The following IL1RAPL1 variants were observed in gnomAD, a reference collection of about 807,000 sequenced individuals.
IL1RAPL1 encodes interleukin-1 receptor accessory protein-like 1.
IL1RAPL1 carries 3 observed loss-of-function variants against 48.4 expected under a neutral mutation model. The ratio of observed to expected loss-of-function variants is 0.06; its 90% CI spans 0.03 to 0.16. The LOEUF (loss-of-function observed/expected upper bound fraction) is 0.16, where lower values mean the gene tolerates loss of function less well. Among genes scored for constraint, IL1RAPL1 ranks in the 10% least tolerant of loss-of-function variants. IL1RAPL1 has a pLI of 1.00. For synonymous variants in IL1RAPL1, 185 were observed against 187.7 expected, an observed-to-expected ratio of 0.99 and a Z score of 0.12; for missense variants, 349 against 530.6, an observed-to-expected ratio of 0.66 and a Z score of 3.36.
At position 29,080,994 on chromosome X, in the gene IL1RAPL1, TTCTC is replaced by T. The variant is rs201299964; in HGVS notation, c.83-201920_83-201917del. Among the ~76,000 whole-genome samples the T allele has an allele frequency of 2.3e-3, 60 of 26,419 alleles. 2 individuals carry two copies. The highest frequency in any genetic ancestry group is 3.2e-3 in the African/African-American group (29 of 9,204). The allele number at this position is 26,419 out of a possible 115,157, so 22.9% of individuals were successfully genotyped here. ...TTTCTTTCTTTCTTTCTTTCTTTCT[TTCTC>T]TCTCTCTCTCTCTCTCTCTCTCTTT... is the stretch of plus-strand genomic sequence containing the variant. On this transcript the variant is annotated intron_variant, in intron 2 of 10. Coordinates refer to ENST00000378993, the MANE Select transcript of IL1RAPL1 (RefSeq NM_014271.4).
At chrX:29,071,477 C>A (rs771729084) in intron 2 of IL1RAPL1, among the ~76,000 whole-genome samples, 1 of 111,897 alleles carries the variant, frequency 8.9e-6, no homozygotes, top group East Asian at 2.8e-4. Flanking sequence ...TAAAATAATT[C>A]AAGTATTTAT....
At chrX:29,539,613 G>A (rs978829862) in intron 5 of IL1RAPL1, among the ~76,000 whole-genome samples, 8 of 110,649 alleles carry the variant, frequency 7.2e-5, no homozygotes, top group African/African-American at 2.0e-4. Flanking sequence ...GTTTAGCACC[G>A]TCCCCCCTTA....
chrX:29,216,537 G>A (rs1198566057), intron 2 of IL1RAPL1, among the ~76,000 whole-genome samples: 1 of 111,059 alleles, frequency 9.0e-6, no homozygotes, highest in Non-Finnish European at 1.9e-5. Flanking sequence ...AAACTTTTTT[G>A]ATGTATTGAC....
chrX:28,919,929 G>A (rs969330185), intron 2 of IL1RAPL1, among the ~76,000 whole-genome samples: 1 of 111,893 alleles, frequency 8.9e-6, no homozygotes, highest in Non-Finnish European at 1.9e-5. Context: ...TTATGTATTT[G>A]CATGAATAAT....
chrX:28,987,700 A>G (rs765350786), intron 2 of IL1RAPL1, among the ~76,000 whole-genome samples: 1 of 112,218 alleles, frequency 8.9e-6, no homozygotes, highest in East Asian at 2.8e-4. Flanking sequence ...GGATTAAAAT[A>G]GAGAAGCAGA....
intron 6 of IL1RAPL1, among the ~76,000 whole-genome samples, chrX:29,696,548 G>A (rs1466700320): frequency 8.9e-6 from 1 of 111,765 alleles, no homozygotes; most frequent in Non-Finnish European, 1.9e-5. Flanking sequence ...GGAAATGCAT[G>A]GTGCGAAAAG....
At chrX:29,067,528 A>G (rs1227034128) in intron 2 of IL1RAPL1, among the ~76,000 whole-genome samples, 1 of 112,409 alleles carries the variant, frequency 8.9e-6, no homozygotes, top group African/African-American at 3.2e-5. Context: ...GCCTAGCTAG[A>G]ATTTCAAATG....
chrX:29,845,530 C>T (rs181544569), intron 6 of IL1RAPL1, among the ~76,000 whole-genome samples: 8 of 111,825 alleles, frequency 7.2e-5, no homozygotes, highest in Non-Finnish European at 9.4e-5. Flanking sequence ...ATAATCGTGA[C>T]ACAACTGAAT....
At chrX:29,001,794 G>A (rs1925859170) in intron 2 of IL1RAPL1, among the ~76,000 whole-genome samples, 1 of 110,917 alleles carries the variant, frequency 9.0e-6, no homozygotes, top group Non-Finnish European at 1.9e-5. Flanking sequence ...TTAAAGCAAT[G>A]CATTTAGAAA....
At chrX:29,768,614 C>A in intron 6 of IL1RAPL1, among the ~76,000 whole-genome samples, 1 of 111,924 alleles carries the variant, frequency 8.9e-6, no homozygotes, top group Non-Finnish European at 1.9e-5. Context: ...CTGTGTCTAG[C>A]TACTTTTACT....
chrX:29,882,076 T>G lies in IL1RAPL1; in HGVS notation c.779-35388T>G, dbSNP rs185916850. 8.9e-5 allele frequency among the ~76,000 whole-genome samples: 10 copies of G among 112,170 alleles called. No individual in the cohort carries two copies. In the Admixed American group the frequency reaches 9.5e-4, roughly 11 times the overall value. On this transcript the variant is annotated intron_variant, in intron 6 of 10. Coordinates refer to ENST00000378993, the MANE Select transcript of IL1RAPL1 (RefSeq NM_014271.4). ...CTGATGGTAGATTATTTCAATTATA[T>G]AGCATTAATGACAGGTGGACTCAAT...
chrX:29,893,303 T>C (rs1932307888), intron 6 of IL1RAPL1, among the ~76,000 whole-genome samples: 1 of 111,738 alleles, frequency 8.9e-6, no homozygotes, highest in African/African-American at 3.3e-5. Flanking sequence ...GATAGGCTTC[T>C]ATTTTGACAT....
chrX:29,680,689 T>A (rs1224752018), intron 6 of IL1RAPL1, among the ~76,000 whole-genome samples: 2 of 112,279 alleles, frequency 1.8e-5, no homozygotes, highest in Non-Finnish European at 3.8e-5. Flanking sequence ...ATCTCATTAA[T>A]TTAGCTGTCA....
intron 2 of IL1RAPL1, among the ~76,000 whole-genome samples, chrX:29,236,716 C>T (rs974910336): frequency 7.7e-5 from 7 of 90,978 alleles, no homozygotes; most frequent in African/African-American, 2.6e-4. Flanking sequence ...GCGCCCACCA[C>T]GCCTGGCTAA....
At chrX:29,663,164 G>A (rs780336546) in intron 5 of IL1RAPL1, among the ~76,000 whole-genome samples, 2 of 112,113 alleles carry the variant, frequency 1.8e-5, no homozygotes, top group African/African-American at 6.5e-5. Context: ...TCATTCAGAG[G>A]TTGAAGCATT....
At chrX:29,912,903 T>A (rs2147234613) in intron 6 of IL1RAPL1, among the ~76,000 whole-genome samples, 1 of 111,890 alleles carries the variant, frequency 8.9e-6, no homozygotes, top group Non-Finnish European at 1.9e-5. Flanking sequence ...CATACATCAC[T>A]TATTCCTAAG....
chrX:29,841,126 A>T (rs1315029188), intron 6 of IL1RAPL1, among the ~76,000 whole-genome samples: 2 of 111,898 alleles, frequency 1.8e-5, no homozygotes, highest in African/African-American at 6.5e-5. Context: ...TCATTCTTCA[A>T]ATATACAGTT....
chrX:29,542,860 G>A (rs1456473802), intron 5 of IL1RAPL1, among the ~76,000 whole-genome samples: 2 of 111,935 alleles, frequency 1.8e-5, no homozygotes, highest in East Asian at 5.6e-4. Context: ...AACATTTCTA[G>A]ATTCCTCTCC....
chrX:28,904,175 A>G (rs925531199), intron 2 of IL1RAPL1, among the ~76,000 whole-genome samples: 4 of 111,158 alleles, frequency 3.6e-5, no homozygotes, highest in Non-Finnish European at 7.5e-5. Flanking sequence ...ACTCTAGGAG[A>G]TTTATAAAAA....
Sources: allele counts gnomAD v4.1 joint callset (sites outside exome capture counted in the v4.1 genomes callset), GRCh38; gene constraint gnomAD v4.1.1; transcripts MANE v1.5; gene names NCBI Gene and HGNC (gene_info 2026-07-23, HGNC 2026-07-21).